COL4A5: variants seen among roughly 807,000 people sequenced by gnomAD.
The protein encoded by COL4A5 is collagen alpha-5(IV) chain.
A neutral mutation model predicts 130.2 loss-of-function variants in COL4A5; 26 were observed. The observed-to-expected ratio is 0.20, with a 90% confidence interval of 0.15 to 0.28. The LOEUF (loss-of-function observed/expected upper bound fraction) is 0.28, where lower values mean the gene tolerates loss of function less well. COL4A5 is among the 10% of genes least tolerant of loss of function. COL4A5 has a pLI of 1.00. For missense variants in COL4A5, 1,131 were observed against 1,344.3 expected, an observed-to-expected ratio of 0.84 and a Z score of 2.48; for synonymous variants, 496 against 439.6, an observed-to-expected ratio of 1.13 and a Z score of -1.60.
intron 4 of COL4A5, among the ~76,000 whole-genome samples, chrX:108,566,449 C>A (rs997548173): frequency 9.0e-6 from 1 of 111,299 alleles, no homozygotes; most frequent in Non-Finnish European, 1.9e-5. Flanking sequence ...CTTGGCATTT[C>A]CCCTTTAGAT....
At chrX:108,599,457 A>ATG (rs112135923) in intron 25 of COL4A5, among the ~76,000 whole-genome samples, 20,460 of 106,446 alleles carry the variant, frequency 0.19, 2,136 homozygotes, top group East Asian at 0.64. Flanking sequence ...ATGTATGTTT[A>ATG]TGTGTGTGTG....
At chrX:108,515,574 T>G (rs952615056) in intron 1 of COL4A5, among the ~76,000 whole-genome samples, 7 of 110,605 alleles carry the variant, frequency 6.3e-5, no homozygotes, top group Non-Finnish European at 1.3e-4. Context: ...AAAGGACAGT[T>G]TTTTTTTTGT....
intron 36 of COL4A5, among the ~76,000 whole-genome samples, chrX:108,632,825 T>C (rs758421181): frequency 8.9e-6 from 1 of 111,781 alleles, no homozygotes; most frequent in South Asian, 3.8e-4. Flanking sequence ...TGATGGAACG[T>C]ATCTCAAAAT....
chrX:108,520,878 A>G (rs910424898), intron 1 of COL4A5, among the ~76,000 whole-genome samples: 3 of 111,874 alleles, frequency 2.7e-5, no homozygotes, highest in African/African-American at 9.7e-5. Flanking sequence ...AGACGATATA[A>G]TGAACACCAT....
intron 36 of COL4A5, among the ~76,000 whole-genome samples, chrX:108,633,775 A>T (rs1021533655): frequency 8.9e-6 from 1 of 111,820 alleles, no homozygotes; most frequent in Non-Finnish European, 1.9e-5. Flanking sequence ...GATATTGTGG[A>T]AATAATGTAA....
rs2066530456 is a variant in COL4A5, at chrX:108,597,083, T to C, written c.1587+15T>C. On this transcript the variant is annotated intron_variant, in intron 23 of 52. Coordinates refer to ENST00000328300, the MANE Select transcript of COL4A5 (RefSeq NM_033380.3). ...AAGGATTACCAGTAAGTTTTGAGTA[T>C]ATTATAAAACAAAAAGAAGTAGAAG... 1 of 1,171,430 alleles carries C rather than the reference T, an allele frequency of 8.5e-7. No individual in the cohort carries two copies.
intron 2 of COL4A5, among the ~76,000 whole-genome samples, chrX:108,540,596 A>G (rs1187268010): frequency 2.7e-5 from 3 of 110,981 alleles, no homozygotes; most frequent in African/African-American, 9.8e-5. Flanking sequence ...GATTGTAGGC[A>G]TGCACCACCA....
chrX:108,492,369 A>G (rs2065000297), intron 1 of COL4A5, among the ~76,000 whole-genome samples: 1 of 112,108 alleles, frequency 8.9e-6, no homozygotes, highest in Admixed American at 9.5e-5. Context: ...ATTAGTTTAG[A>G]AAAAGTCACT....
rs760527672 is a variant in COL4A5, at chrX:108,625,755, C to A, written c.3067C>A (p.Pro1023Thr). The A allele has an allele frequency of 1.7e-6, 2 of 1,208,917 alleles. No homozygotes were observed. The highest frequency in any genetic ancestry group is 1.1e-6 in the Non-Finnish European group (1 of 893,064). Reference sequence around the variant, plus strand: ...TGGACAGCCAGGTCTTATAGGACCTCCTGGACTTAAAGGAACCATCGGTGA... The same window carrying A: ...TGGACAGCCAGGTCTTATAGGACCTACTGGACTTAAAGGAACCATCGGTGA... ...LPGQPGLIGP[P>T]GLKGTIGDMG... is the part of the protein sequence containing the mutation. Residue 1023 changes from proline to threonine, a missense_variant, in exon 35 of 53, where the codon CCT (proline) becomes ACT (threonine). Pro to Thr is a conservative substitution (Grantham distance 38, BLOSUM62 -1). Transcript: ENST00000328300.
intron 36 of COL4A5, among the ~76,000 whole-genome samples, chrX:108,639,935 G>A (rs2067428903): frequency 8.9e-6 from 1 of 112,255 alleles, no homozygotes; most frequent in South Asian, 3.6e-4. Context: ...TGTATTGCTA[G>A]TAGGAATGTA....
intron 1 of COL4A5, among the ~76,000 whole-genome samples, chrX:108,516,938 A>G (rs1463067110): frequency 9.0e-6 from 1 of 111,724 alleles, no homozygotes; most frequent in Non-Finnish European, 1.9e-5. Context: ...TAAGCCTTCT[A>G]AACCTCAGTT....
chrX:108,471,163 C>A (rs1167541697), intron 1 of COL4A5, among the ~76,000 whole-genome samples: 1 of 111,386 alleles, frequency 9.0e-6, no homozygotes, highest in Non-Finnish European at 1.9e-5. Context: ...TATAAATAGT[C>A]TTTTTCTAAT....
At chrX:108,536,175 AT>A (rs1288692816) in intron 1 of COL4A5, among the ~76,000 whole-genome samples, 3 of 110,422 alleles carry the variant, frequency 2.7e-5, no homozygotes, top group Non-Finnish European at 5.7e-5. Flanking sequence ...TAAATTTATT[AT>A]TTTTTATATT....
intron 1 of COL4A5, among the ~76,000 whole-genome samples, chrX:108,487,782 A>G (rs920796312): frequency 2.2e-4 from 25 of 112,380 alleles, no homozygotes; most frequent in African/African-American, 7.4e-4. Context: ...TCCAAAAGGG[A>G]AAGCTCTTAT....
chrX:108,627,151 C>T, intron 36 of COL4A5: 1 of 668,538 alleles, frequency 1.5e-6, no homozygotes, highest in Non-Finnish European at 1.8e-6. Flanking sequence ...TCTGTATGTT[C>T]ATTCCAGTTT....
At chrX:108,541,858 TC>T (rs2065545352) in intron 2 of COL4A5, among the ~76,000 whole-genome samples, 1 of 111,947 alleles carries the variant, frequency 8.9e-6, no homozygotes, top group African/African-American at 3.2e-5. Flanking sequence ...TCAATACTCT[TC>T]AGAGGAAGTT....
intron 29 of COL4A5, 40 bp from the exon 30 acceptor site, chrX:108,614,871 G>A (rs748713555): frequency 1.1e-6 from 1 of 951,551 alleles, no homozygotes; most frequent in African/African-American, 1.9e-5. Flanking sequence ...AGTGACTCAG[G>A]TGTTGCTTTT....
At chrX:108,608,413 A>G (rs2066771947) in intron 29 of COL4A5, among the ~76,000 whole-genome samples, 1 of 111,585 alleles carries the variant, frequency 9.0e-6, no homozygotes, top group South Asian at 3.8e-4. Flanking sequence ...AATTTTAAAT[A>G]TAACAAAGTA....
chrX:108,549,152 A>G (rs1170285626), intron 2 of COL4A5, among the ~76,000 whole-genome samples: 1 of 111,947 alleles, frequency 8.9e-6, no homozygotes, highest in Non-Finnish European at 1.9e-5. Flanking sequence ...TTCAAAATAC[A>G]TGAAGCCAAA....
Sources: allele counts gnomAD v4.1 joint callset (sites outside exome capture counted in the v4.1 genomes callset), GRCh38; gene constraint gnomAD v4.1.1; transcripts MANE v1.5; gene names NCBI Gene and HGNC (gene_info 2026-07-23, HGNC 2026-07-21).